Variants in IL1RAPL1 observed in about 807,000 individuals in gnomAD.
IL1RAPL1 encodes interleukin 1 receptor accessory protein like 1.
In IL1RAPL1, 3 loss-of-function variants were observed where a neutral mutation model predicts 48.4. The observed-to-expected ratio is 0.06, with a 90% confidence interval of 0.03 to 0.16. IL1RAPL1 has a LOEUF of 0.16. Ranked by LOEUF, IL1RAPL1 falls within the 10% of genes least tolerant of loss-of-function variation. The pLI is 1.00. For missense variants in IL1RAPL1, 349 were observed against 530.6 expected, an observed-to-expected ratio of 0.66 and a Z score of 3.36; for synonymous variants, 185 against 187.7, an observed-to-expected ratio of 0.99 and a Z score of 0.12.
chrX:29,014,188 C>T (rs930472291), intron 2 of IL1RAPL1, among the ~76,000 whole-genome samples: 1 of 111,440 alleles, frequency 9.0e-6, no homozygotes, highest in African/African-American at 3.3e-5. Context: ...CCTGCTTCGG[C>T]CTCTTCTTAC....
intron 6 of IL1RAPL1, among the ~76,000 whole-genome samples, chrX:29,803,427 A>G (rs1468932347): frequency 1.0e-5 from 1 of 96,980 alleles, no homozygotes; most frequent in Non-Finnish European, 2.1e-5. Flanking sequence ...ATATGTGTAT[A>G]TATGTATACA....
intron 1 of IL1RAPL1, among the ~76,000 whole-genome samples, chrX:28,625,435 G>T (rs1360145684): frequency 8.9e-6 from 1 of 111,970 alleles, no homozygotes; most frequent in Non-Finnish European, 1.9e-5. Context: ...TATTTGTAAG[G>T]CAGAAGGCCT....
At chrX:28,819,727 G>C (rs1051428518) in intron 2 of IL1RAPL1, among the ~76,000 whole-genome samples, 9 of 107,661 alleles carry the variant, frequency 8.4e-5, no homozygotes, top group African/African-American at 3.0e-4. Context: ...CAGAAACCTA[G>C]GATGCAGGTT....
chrX:29,288,335 A>C (rs1198570325), intron 3 of IL1RAPL1, among the ~76,000 whole-genome samples: 2 of 109,520 alleles, frequency 1.8e-5, no homozygotes, highest in Admixed American at 2.0e-4. Flanking sequence ...AGCAGGCCCC[A>C]GTGTGTGTTG....
chrX:29,686,761 G>A (rs1008787357), intron 6 of IL1RAPL1, among the ~76,000 whole-genome samples: 11 of 109,135 alleles, frequency 1.0e-4, no homozygotes, highest in African/African-American at 3.3e-4. Context: ...GTTTCACCAT[G>A]TTAGCCAGGA....
intron 6 of IL1RAPL1, among the ~76,000 whole-genome samples, chrX:29,721,467 A>G (rs1927637121): frequency 9.0e-6 from 1 of 111,132 alleles, no homozygotes; most frequent in Non-Finnish European, 1.9e-5. Flanking sequence ...ATTGTTGAGT[A>G]TTTTCTGGGT....
At chrX:29,379,913 C>T (rs1933673180) in intron 3 of IL1RAPL1, among the ~76,000 whole-genome samples, 1 of 110,640 alleles carries the variant, frequency 9.0e-6, no homozygotes, top group Non-Finnish European at 1.9e-5. Context: ...GGCTATCCCT[C>T]TCCCTTCCCT....
rs1341989470 is a variant in IL1RAPL1 at position 29,006,645 on chromosome X, ATATGTGTGTGTGTGTGTG to A, written c.82+217222_82+217239del. Among the ~76,000 whole-genome samples, 304 of 80,064 alleles carry A rather than the reference ATATGTGTGTGTGTGTGTG, an allele frequency of 3.8e-3. 1 individual carries two copies. Among genetic ancestry groups the A allele is most frequent in the African/African-American group, 0.014 (288 of 20,294 alleles). 69.5% of individuals were successfully genotyped at this position (80,064 alleles called of 115,157 possible). A position where few individuals can be genotyped will look rare whatever the true frequency, so the allele number is the denominator to read the frequency against. ...TGCCCACATTTGTGTGTGTTTATAT[ATATGTGTGTGTGTGTGTG>A]TGTGTGTGTGTGTGTGTGTGTGTGT... On this transcript the variant is annotated intron_variant, in intron 2 of 10. Coordinates refer to ENST00000378993, the MANE Select transcript of IL1RAPL1 (RefSeq NM_014271.4).
chrX:28,776,931 T>C (rs192553182), intron 1 of IL1RAPL1, among the ~76,000 whole-genome samples: 1 of 112,281 alleles, frequency 8.9e-6, no homozygotes, highest in African/African-American at 3.2e-5. Flanking sequence ...TATCTGTAAA[T>C]GCTAATGATA....
intron 2 of IL1RAPL1, among the ~76,000 whole-genome samples, chrX:29,054,938 A>G (rs780334564): frequency 6.1e-4 from 69 of 112,296 alleles, no homozygotes; most frequent in Non-Finnish European, 1.1e-3. Context: ...AAATGGAAGA[A>G]TGACTAAATG....
intron 6 of IL1RAPL1, among the ~76,000 whole-genome samples, chrX:29,898,109 C>T (rs1932423143): frequency 8.9e-6 from 1 of 111,898 alleles, no homozygotes. Context: ...TTAAGAGGCT[C>T]TCTCCTACTT....
At chrX:28,980,426 G>T (rs1356041703) in intron 2 of IL1RAPL1, among the ~76,000 whole-genome samples, 1 of 112,360 alleles carries the variant, frequency 8.9e-6, no homozygotes, top group Non-Finnish European at 1.9e-5. Flanking sequence ...ATCAGTCTGT[G>T]TTCTCTGTTT....
At chrX:29,728,613 C>T (rs904781002) in intron 6 of IL1RAPL1, among the ~76,000 whole-genome samples, 6 of 112,466 alleles carry the variant, frequency 5.3e-5, no homozygotes, top group African/African-American at 1.9e-4. Flanking sequence ...CAGACGTGGA[C>T]ATTGCTCTGA....
At chrX:28,698,033 C>A (rs1254956605) in intron 1 of IL1RAPL1, among the ~76,000 whole-genome samples, 3 of 111,247 alleles carry the variant, frequency 2.7e-5, no homozygotes, top group Non-Finnish European at 5.7e-5. Flanking sequence ...CTTCTACTAC[C>A]CAGCTATTTA....
chrX:29,485,438 C>T (rs971366688), intron 5 of IL1RAPL1, among the ~76,000 whole-genome samples: 7 of 111,598 alleles, frequency 6.3e-5, no homozygotes, highest in African/African-American at 1.3e-4. Flanking sequence ...CCATTTAAGA[C>T]TCATACACCT....
chrX:29,130,705 A>G (rs1326307584), intron 2 of IL1RAPL1, among the ~76,000 whole-genome samples: 1 of 112,047 alleles, frequency 8.9e-6, no homozygotes, highest in Non-Finnish European at 1.9e-5. Flanking sequence ...TAAATGGCCC[A>G]GATTAGCTGG....
chrX:28,817,835 T>C (rs752914832), intron 2 of IL1RAPL1, among the ~76,000 whole-genome samples: 2 of 110,870 alleles, frequency 1.8e-5, no homozygotes, highest in Non-Finnish European at 3.8e-5. Context: ...ACCTCACATA[T>C]AGCTGAATGA....
chrX:29,645,648 G>A (rs1292779572), intron 5 of IL1RAPL1, among the ~76,000 whole-genome samples: 1 of 111,722 alleles, frequency 9.0e-6, no homozygotes, highest in East Asian at 2.8e-4. Context: ...GACTACAGTG[G>A]CCTTGAGCTG....
At chrX:28,644,847 G>A (rs1464638525) in intron 1 of IL1RAPL1, among the ~76,000 whole-genome samples, 3 of 111,266 alleles carry the variant, frequency 2.7e-5, no homozygotes, top group African/African-American at 6.5e-5. Flanking sequence ...ACTGTAGAAT[G>A]TTGATACCAG....
Sources: gnomAD v4.1 joint callset for allele counts (sites outside exome capture counted in the v4.1 genomes callset) on GRCh38, gnomAD v4.1.1 for gene constraint, MANE v1.5 for transcripts, NCBI Gene and HGNC (gene_info 2026-07-23, HGNC 2026-07-21) for gene names.